The following CFAP61 variants were observed in gnomAD, a reference collection of about 807,000 sequenced individuals.
CFAP61 encodes cilia and flagella associated protein 61, also known as cilia- and flagella-associated protein 61.
A neutral mutation model predicts 135.6 loss-of-function variants in CFAP61; 107 were observed. The ratio of observed to expected loss-of-function variants is 0.79; its 90% CI spans 0.67 to 0.93. The LOEUF (loss-of-function observed/expected upper bound fraction) is 0.93. Ranked by LOEUF, CFAP61 falls within the 40% of genes least tolerant of loss-of-function variation. The pLI, the probability that CFAP61 is intolerant of heterozygous loss-of-function variation, is 0.00. For synonymous variants in CFAP61, 575 were observed against 578.5 expected (o/e 0.99, Z 0.09); for missense variants, 1,507 against 1,556.2 (o/e 0.97, Z 0.53).
intron 2 of CFAP61, among the ~76,000 whole-genome samples, chr20:20,065,881 G>C (rs2045220590): frequency 6.6e-6 from 1 of 152,150 alleles, no homozygotes; most frequent in Non-Finnish European, 1.5e-5. Context: ...AGGAAACTCT[G>C]AGGTTTCTGG....
intron 18 of CFAP61, among the ~76,000 whole-genome samples, chr20:20,231,016 C>A: frequency 6.6e-6 from 1 of 152,202 alleles, no homozygotes; most frequent in Non-Finnish European, 1.5e-5. Context: ...TGTATTATTT[C>A]CATGCAAGAA....
chr20:20,098,591 G>C (rs2047761818), intron 7 of CFAP61, 64 bp from the exon 8 acceptor site: 6 of 1,444,294 alleles, frequency 4.2e-6, no homozygotes, highest in Admixed American at 2.2e-5. Flanking sequence ...CTGGGTGACA[G>C]AGCGAGACTT....
intron 13 of CFAP61, among the ~76,000 whole-genome samples, chr20:20,174,752 A>C (rs1038090590): frequency 1.5e-5 from 1 of 67,290 alleles, no homozygotes; most frequent in Admixed American, 1.5e-4. Flanking sequence ...ACACCCCAGC[A>C]ATGTTTGTAT....
chr20:20,105,551 C>A (rs1345989761), intron 8 of CFAP61, among the ~76,000 whole-genome samples: 1 of 152,184 alleles, frequency 6.6e-6, no homozygotes, highest in East Asian at 1.9e-4. Context: ...CAGACAGTGG[C>A]AGCAAAGTCG....
rs981645646 is a variant in CFAP61, at chr20:20,074,186, C to A, written c.295-116C>A. The A allele has an allele frequency of 1.7e-5, 14 of 807,262 alleles. No homozygotes were observed. The Admixed American group carries it at 2.2e-4, about 13-fold the overall frequency. The allele number at this position is 807,262 out of a possible 1,614,324, so 50.0% of individuals were successfully genotyped here. Reference sequence around the variant, plus strand: ...CATCACTTAGACATAAAATATCAACCCTAAATGCCAGGCTGTTCTGTGTCT... The same window carrying A: ...CATCACTTAGACATAAAATATCAACACTAAATGCCAGGCTGTTCTGTGTCT... On this transcript the variant is annotated intron_variant, in intron 3 of 26. Coordinates refer to ENST00000245957, the MANE Select transcript of CFAP61 (RefSeq NM_015585.4).
intron 6 of CFAP61, among the ~76,000 whole-genome samples, chr20:20,088,958 G>A (rs1257603681): frequency 6.6e-6 from 1 of 152,078 alleles, no homozygotes; most frequent in Non-Finnish European, 1.5e-5. Flanking sequence ...GAGTGCATGC[G>A]GTCATTCAGT....
intron 26 of CFAP61, among the ~76,000 whole-genome samples, chr20:20,353,005 A>G (rs973658121): frequency 6.6e-6 from 1 of 152,246 alleles, no homozygotes; most frequent in African/African-American, 2.4e-5. Flanking sequence ...TAACTCACTA[A>G]CTCACTAACT....
chr20:20,056,763 A>C lies in CFAP61; in HGVS notation c.110A>C (p.Lys37Thr). ...AGCCTTATTAGAAAATTTACCTGCA[A>C]GCTGTTTGGGAAGCTAAATATCATC... ...IKSLIRKFTC[K>T]LFGKLNIIYL... Residue 37 changes from lysine (K) to threonine (T), a missense_variant, in exon 2 of 27, where the codon AAG (lysine) becomes ACG (threonine). Physicochemically the swap from Lys to Thr is moderately conservative, Grantham distance 78. Transcript: ENST00000245957. The C allele has an allele frequency of 6.2e-7, 1 of 1,614,066 alleles. No individual in the cohort carries two copies. The highest frequency in any genetic ancestry group is 8.5e-7 in the Non-Finnish European group (1 of 1,179,936).
At chr20:20,085,570 T>C in intron 6 of CFAP61, 1 of 1,325,198 alleles carries the variant, frequency 7.5e-7, no homozygotes, top group Non-Finnish European at 1.0e-6. Context: ...AACGGGCTGC[T>C]GAGGTTCATG....
At position 20,360,497 on chromosome 20, in the gene CFAP61, T is replaced by A. The variant is rs1226131565; in HGVS notation, c.*87T>A. ...AGAAATAGAAAAGTTCTCTGCAGCC[T>A]GGTTTGACAGCGAAGCCAGCCCCTG... On this transcript the variant is annotated 3_prime_UTR_variant, in exon 27 of 27. Transcript: ENST00000245957. 9 of 1,265,600 alleles carry A rather than the reference T, an allele frequency of 7.1e-6. No homozygotes were observed. The highest frequency in any genetic ancestry group is 4.5e-5 in the African/African-American group (3 of 66,770). The allele number at this position is 1,265,600 out of a possible 1,614,324, so 78.4% of individuals were successfully genotyped here.
chr20:20,349,413 TTA>T (rs2058752002), intron 26 of CFAP61, among the ~76,000 whole-genome samples: 1 of 152,082 alleles, frequency 6.6e-6, no homozygotes, highest in Non-Finnish European at 1.5e-5. Flanking sequence ...CCAAGTTCTT[TTA>T]AACAACCAGA....
At chr20:20,068,601 G>A (rs539780287) in intron 2 of CFAP61, among the ~76,000 whole-genome samples, 1 of 152,276 alleles carries the variant, frequency 6.6e-6, no homozygotes, top group South Asian at 2.1e-4. Flanking sequence ...CTTTGAGAAG[G>A]GACAGTGGCT....
chr20:20,241,916 T>C (rs193130132), intron 18 of CFAP61, among the ~76,000 whole-genome samples: 111 of 152,328 alleles, frequency 7.3e-4, no homozygotes, highest in African/African-American at 2.5e-3. Flanking sequence ...TTGAAGATAT[T>C]AAAATTTTTT....
chr20:20,214,030 C>A (rs1283307549), intron 17 of CFAP61, among the ~76,000 whole-genome samples: 2 of 151,290 alleles, frequency 1.3e-5, no homozygotes. Flanking sequence ...TTCATTGATT[C>A]TTTACCTCTG....
chr20:20,319,903 T>C (rs2057350404), intron 25 of CFAP61, among the ~76,000 whole-genome samples: 1 of 152,250 alleles, frequency 6.6e-6, no homozygotes, highest in Admixed American at 6.5e-5. Flanking sequence ...CCAGACCTCA[T>C]GCAGTCCTTG....
intron 13 of CFAP61, 50 bp downstream of exon 13, chr20:20,169,510 A>G (rs774264929): frequency 1.3e-6 from 2 of 1,481,932 alleles, no homozygotes; most frequent in Non-Finnish European, 1.8e-6. Flanking sequence ...ATTACAGAAG[A>G]GAAGGGAACA....
chr20:20,081,231 C>T (rs2046407836), intron 6 of CFAP61, among the ~76,000 whole-genome samples: 1 of 152,094 alleles, frequency 6.6e-6, no homozygotes, highest in Non-Finnish European at 1.5e-5. Context: ...AAGGATTGGG[C>T]AGGGGATAGA....
At chr20:20,161,303 C>T (rs988030579) in intron 10 of CFAP61, among the ~76,000 whole-genome samples, 1 of 152,150 alleles carries the variant, frequency 6.6e-6, no homozygotes, top group Non-Finnish European at 1.5e-5. Context: ...TGGTTGGAAC[C>T]CCAGAAGACA....
chr20:20,341,365 A>G (rs2058438740), intron 25 of CFAP61, among the ~76,000 whole-genome samples: 1 of 152,246 alleles, frequency 6.6e-6, no homozygotes, highest in Non-Finnish European at 1.5e-5. Flanking sequence ...CGTCGATGCA[A>G]CCGTGCGAAC....
Sources: gnomAD v4.1 joint callset for allele counts (sites outside exome capture counted in the v4.1 genomes callset) on GRCh38, gnomAD v4.1.1 for gene constraint, MANE v1.5 for transcripts, NCBI Gene and HGNC (gene_info 2026-07-23, HGNC 2026-07-21) for gene names.